EFHC1: variants seen among roughly 807,000 people sequenced by gnomAD.
The protein encoded by EFHC1 is EF-hand domain-containing protein 1.
In EFHC1, 53 loss-of-function variants were observed where a neutral mutation model predicts 69.9. The ratio of observed to expected loss-of-function variants is 0.76; its 90% CI spans 0.61 to 0.95. The LOEUF (loss-of-function observed/expected upper bound fraction) is 0.95, where lower values mean the gene tolerates loss of function less well. Ranked by LOEUF, EFHC1 falls within the 40% of genes least tolerant of loss-of-function variation. EFHC1 has a pLI of 0.00. For synonymous variants in EFHC1, 256 were observed against 278.4 expected (o/e 0.92, Z 0.80); for missense variants, 739 against 798.7 (o/e 0.93, Z 0.90).
intron 9 of EFHC1, chr6:52,483,386 TCCCAAGAA>T (rs1341090767): frequency 6.6e-6 from 1 of 152,202 alleles, no homozygotes; most frequent in Non-Finnish European, 1.5e-5. Context: ...TATTGGCTTT[TCCCAAGAA>T]AGAATTCCAG....
intron 2 of EFHC1, among the ~76,000 whole-genome samples, chr6:52,434,244 C>T (rs575694896): frequency 4.4e-4 from 67 of 152,316 alleles, no homozygotes; most frequent in Admixed American, 1.4e-3. Flanking sequence ...GCTGGAGGTT[C>T]CCTTCTTCCT....
chr6:52,466,403 T>C (rs1765307784), intron 6 of EFHC1, among the ~76,000 whole-genome samples: 1 of 152,212 alleles, frequency 6.6e-6, no homozygotes, highest in Non-Finnish European at 1.5e-5. Flanking sequence ...TTTTCTGTTA[T>C]TCTTACATGC....
Position 52,438,456 on chromosome 6 carries a change from C to A in EFHC1, c.438C>A (p.Gly146=). ...TAGAAAATTCTGGAATCCTTCAAGG[C>A]AAGTTAATAAAACGCCAGCGGCTAG... The part of the protein sequence containing the change: ...PVVENSGILQ[G]KLIKRQRLAK... The change falls in exon 3 of 11, where the codon GGC becomes GGA. Residue 146 remains glycine, a synonymous_variant. Coordinates refer to ENST00000371068, the MANE Select transcript of EFHC1 (RefSeq NM_018100.4). The A allele has an allele frequency of 6.2e-7, 1 of 1,614,054 alleles. No homozygotes were observed. The highest frequency in any genetic ancestry group is 2.2e-5 in the East Asian group (1 of 44,874).
chr6:52,486,535 A>C (rs915682510), intron 9 of EFHC1: 1 of 152,138 alleles, frequency 6.6e-6, no homozygotes, highest in East Asian at 1.9e-4. Context: ...TTTCTTTTTC[A>C]CTTCTAGCTA....
chr6:52,463,414 A>G (rs1044737618), intron 5 of EFHC1, among the ~76,000 whole-genome samples: 2 of 152,192 alleles, frequency 1.3e-5, no homozygotes, highest in Non-Finnish European at 2.9e-5. Flanking sequence ...TTTAGTTTAA[A>G]CATTTCCCAC....
chr6:52,480,039 C>A, intron 9 of EFHC1: 1 of 631,466 alleles, frequency 1.6e-6, no homozygotes, highest in Non-Finnish European at 2.7e-6. Context: ...CCCTCCACAG[C>A]TGAAAATTCA....
Position 52,477,634 on chromosome 6 carries a change from T to G in EFHC1, c.1279-1403T>G, listed in dbSNP as rs1765571997. ...GGCAAAGGACATGAACAGACACTTC[T>G]CAAAAGAAGACATTTATGCAGCCAA... On this transcript the variant is annotated intron_variant, in intron 7 of 10. Coordinates refer to ENST00000371068, the MANE Select transcript of EFHC1 (RefSeq NM_018100.4). Among the ~76,000 whole-genome samples the G allele has an allele frequency of 2.6e-5, 4 of 152,178 alleles. No homozygotes were observed. In the South Asian group the frequency reaches 8.3e-4, roughly 31 times the overall value.
At chr6:52,431,942 A>G (rs571264643) in intron 2 of EFHC1, among the ~76,000 whole-genome samples, 25 of 152,296 alleles carry the variant, frequency 1.6e-4, no homozygotes, top group African/African-American at 6.0e-4. Flanking sequence ...TTTTATCATT[A>G]TATAATGTCC....
intron 3 of EFHC1, among the ~76,000 whole-genome samples, chr6:52,444,693 G>C (rs1436565507): frequency 6.6e-6 from 1 of 152,160 alleles, no homozygotes; most frequent in African/African-American, 2.4e-5. Flanking sequence ...CGGTTTGCCA[G>C]TATTTTATGG....
chr6:52,452,864 C>T, intron 4 of EFHC1, 27 bp downstream of exon 4: 1 of 1,613,782 alleles, frequency 6.2e-7, no homozygotes, highest in Non-Finnish European at 8.5e-7. Flanking sequence ...CCACAATAGG[C>T]TTACTTATTT....
chr6:52,460,032 T>C (rs1359046946), intron 5 of EFHC1, among the ~76,000 whole-genome samples: 1 of 152,230 alleles, frequency 6.6e-6, no homozygotes, highest in Non-Finnish European at 1.5e-5. Flanking sequence ...GCCATTCTTT[T>C]CTTGGGTATT....
intron 10 of EFHC1, chr6:52,490,646 C>T (rs1765881163): frequency 1.7e-6 from 1 of 572,874 alleles, no homozygotes; most frequent in African/African-American, 1.9e-5. Context: ...GGAGGGGTGG[C>T]TACCAAGGGG....
intron 9 of EFHC1, among the ~76,000 whole-genome samples, chr6:52,480,646 G>C (rs1208266209): frequency 6.6e-6 from 1 of 152,202 alleles, no homozygotes; most frequent in African/African-American, 2.4e-5. Context: ...GTCAGGGTAG[G>C]TGGTTGTACC....
rs1371522799 is a variant in EFHC1 at position 52,492,257 on chromosome 6, GCT to G, written c.1852-6_1852-5del. ...CAGATCTGTCTCACCTATTCTCTTTGCTCTCTCTGCAGTTAATCAGGATGTGC... is the reference window on the plus strand; with the variant it reads ...CAGATCTGTCTCACCTATTCTCTTTGCTCTCTGCAGTTAATCAGGATGTGC... On this transcript the variant is annotated splice_polypyrimidine_tract_variant and intron_variant, in intron 10 of 10. Coordinates refer to ENST00000371068, the MANE Select transcript of EFHC1 (RefSeq NM_018100.4). 7.4e-6 allele frequency: 12 copies of G among 1,612,992 alleles called. No homozygotes were observed. The East Asian group carries it at 2.0e-4, about 27-fold the overall frequency.
intron 5 of EFHC1, among the ~76,000 whole-genome samples, chr6:52,455,403 C>T (rs530624670): frequency 4.6e-5 from 7 of 151,858 alleles, no homozygotes; most frequent in African/African-American, 1.7e-4. Flanking sequence ...ACCTGTAATC[C>T]CAGCACTTTG....
At chr6:52,426,216 C>G (rs928354996) in intron 2 of EFHC1, among the ~76,000 whole-genome samples, 4 of 152,198 alleles carry the variant, frequency 2.6e-5, no homozygotes, top group African/African-American at 7.2e-5. Flanking sequence ...TCTCCCTACC[C>G]ACAGCCCCAG....
At chr6:52,450,605 G>T (rs1243954362) in intron 3 of EFHC1, among the ~76,000 whole-genome samples, 16 of 151,946 alleles carry the variant, frequency 1.1e-4, no homozygotes, top group Admixed American at 1.0e-3. Context: ...AGTCTGTTTT[G>T]TCTGAAATTA....
chr6:52,468,002 A>G (rs1028781063), intron 6 of EFHC1, among the ~76,000 whole-genome samples: 1 of 152,236 alleles, frequency 6.6e-6, no homozygotes, highest in Non-Finnish European at 1.5e-5. Context: ...GATATATTCA[A>G]TTCGAGAGGT....
chr6:52,442,161 G>A (rs1764678902), intron 3 of EFHC1, among the ~76,000 whole-genome samples: 3 of 152,216 alleles, frequency 2.0e-5, no homozygotes, highest in Non-Finnish European at 2.9e-5. Flanking sequence ...GTGGAAGAGG[G>A]CATCCTTTTC....
Sources: gnomAD v4.1 joint callset for allele counts (sites outside exome capture counted in the v4.1 genomes callset) on GRCh38, gnomAD v4.1.1 for gene constraint, MANE v1.5 for transcripts, NCBI Gene and HGNC (gene_info 2026-07-23, HGNC 2026-07-21) for gene names.